Variants in ABCA8 observed in about 807,000 individuals in gnomAD.
ABCA8 encodes ATP binding cassette subfamily A member 8.
ABCA8 carries 177 observed loss-of-function variants against 192.3 expected under a neutral mutation model. That is an observed-to-expected ratio of 0.92 (90% CI 0.81 to 1.04). The LOEUF is 1.04. ABCA8 is among the 50% of genes least tolerant of loss of function. The pLI, the probability that ABCA8 is intolerant of heterozygous loss-of-function variation, is 0.00. For missense variants in ABCA8, 1,915 were observed against 1,904.8 expected (o/e 1.01, Z -0.10); for synonymous variants, 642 against 690.2 (o/e 0.93, Z 1.09).
rs574473301 is a variant in ABCA8 at position 68,945,742 on chromosome 17, T to C, written c.-6+3570A>G. Among the ~76,000 whole-genome samples, 16 of 152,300 alleles carry C rather than the reference T, an allele frequency of 1.1e-4. 1 individual carries two copies. Among genetic ancestry groups the C allele is most frequent in the African/African-American group, 3.8e-4 (16 of 41,574 alleles). On this transcript the variant is annotated intron_variant, in intron 2 of 39. Coordinates refer to ENST00000586539, the MANE Select transcript of ABCA8 (RefSeq NM_001288985.2). ...TACTTTCTGGTTCCTTCTTTCCGTA[T>C]TCATTTGTTATTCCTTCTCTCTCGA...
intron 14 of ABCA8, 147 bp downstream of exon 14, chr17:68,919,154 G>A: frequency 1.4e-6 from 1 of 690,910 alleles, no homozygotes; most frequent in Non-Finnish European, 2.3e-6. Context: ...TAAATTATAT[G>A]CAATGTTAGC....
chr17:68,935,820 A>C (rs1471234601), intron 5 of ABCA8, among the ~76,000 whole-genome samples: 1 of 152,008 alleles, frequency 6.6e-6, no homozygotes, highest in Non-Finnish European at 1.5e-5. Context: ...ACGATGTATA[A>C]GTGTTATCTT....
At chr17:68,941,824 G>A (rs2143767864) in intron 3 of ABCA8, 115 bp downstream of exon 3, 2 of 653,050 alleles carry the variant, frequency 3.1e-6, no homozygotes, top group East Asian at 5.5e-5. Context: ...AAACGTTGCT[G>A]TATTTTAGTG....
At chr17:68,887,557 A>G in intron 24 of ABCA8, 51 bp from the exon 25 acceptor site, 2 of 1,481,502 alleles carry the variant, frequency 1.3e-6, no homozygotes, top group South Asian at 1.3e-5. Flanking sequence ...GAATATGTGG[A>G]TTATGCAAGG....
chr17:68,914,407 A>AC (rs759399146), intron 17 of ABCA8, among the ~76,000 whole-genome samples: 33 of 152,226 alleles, frequency 2.2e-4, no homozygotes, highest in Admixed American at 5.2e-4. Flanking sequence ...TAAAAACTAC[A>AC]CCAAAATGCT....
chr17:68,939,190 C>T (rs1351529185), intron 4 of ABCA8, among the ~76,000 whole-genome samples: 1 of 152,126 alleles, frequency 6.6e-6, no homozygotes, highest in South Asian at 2.1e-4. Flanking sequence ...CCTTAGCCCT[C>T]GACCCAGCCT....
chr17:68,934,849 T>G (rs2068010989), intron 5 of ABCA8, among the ~76,000 whole-genome samples: 1 of 152,178 alleles, frequency 6.6e-6, no homozygotes. Flanking sequence ...TTTGCAAATC[T>G]TATGAACATG....
At chr17:68,950,832 C>G (rs1401442490) in intron 1 of ABCA8, among the ~76,000 whole-genome samples, 1 of 152,156 alleles carries the variant, frequency 6.6e-6, no homozygotes, top group Admixed American at 6.6e-5. Context: ...ATCCATCTGT[C>G]TGTGTCCACC....
At chr17:68,879,494 G>A (rs903881511) in intron 32 of ABCA8, 1 of 152,206 alleles carries the variant, frequency 6.6e-6, no homozygotes, top group Non-Finnish European at 1.5e-5. Flanking sequence ...AAAGATGCTG[G>A]CTGCAGCAAG....
At chr17:68,901,996 C>T (rs2066927431) in intron 21 of ABCA8, among the ~76,000 whole-genome samples, 1 of 152,104 alleles carries the variant, frequency 6.6e-6, no homozygotes, top group Non-Finnish European at 1.5e-5. Context: ...TGTACATGAA[C>T]ATCTGTAGCA....
intron 19 of ABCA8, among the ~76,000 whole-genome samples, chr17:68,904,380 G>A (rs982710265): frequency 9.9e-5 from 15 of 151,422 alleles, no homozygotes; most frequent in African/African-American, 3.2e-4. Context: ...GCAAGAGACT[G>A]TCAACCTGTC....
intron 37 of ABCA8, among the ~76,000 whole-genome samples, chr17:68,873,460 CAT>C (rs1332420927): frequency 1.3e-5 from 2 of 152,180 alleles, no homozygotes; most frequent in African/African-American, 4.8e-5. Flanking sequence ...AACCCTTTGT[CAT>C]ATATATAATT....
In ABCA8 at chr17:68,876,688, GA is replaced by G. The variant is rs764470864; in HGVS notation, c.4214del (p.Leu1405ProfsTer7). 9.3e-6 allele frequency: 15 copies of G among 1,614,040 alleles called. No individual in the cohort carries two copies. The highest frequency in any genetic ancestry group is 2.2e-5 in the East Asian group (1 of 44,884). On this transcript the variant is annotated frameshift_variant, in exon 34 of 40. Transcript: ENST00000586539. LOFTEE classifies it high-confidence loss of function. ...EVAITRLVDALKLQDQLKSPV... is the reference protein window; with the variant it reads ...EVAITRLVDAXKLQDQLKSPV... Reference sequence around the variant, plus strand: ...GAGACTTCAGCTGGTCCTGCAGCTTGAGCGCATCCACTAACCTGAAGGAAAC... The same window carrying G: ...GAGACTTCAGCTGGTCCTGCAGCTTGGCGCATCCACTAACCTGAAGGAAAC...
chr17:68,952,300 G>C (rs2068588129), intron 1 of ABCA8, among the ~76,000 whole-genome samples: 1 of 151,888 alleles, frequency 6.6e-6, no homozygotes, highest in Admixed American at 6.6e-5. Flanking sequence ...CTCACTGCAA[G>C]CTCCGCCTCC....
chr17:68,884,886 A>G (rs2066421307), intron 27 of ABCA8: 5 of 977,126 alleles, frequency 5.1e-6, no homozygotes, highest in African/African-American at 1.7e-5. Context: ...GATTAGGGAC[A>G]TTTCATTTGC....
intron 31 of ABCA8, 136 bp downstream of exon 31, chr17:68,881,727 C>A (rs2066340616): frequency 2.9e-6 from 2 of 685,150 alleles, no homozygotes; most frequent in East Asian, 2.5e-5. Context: ...ATGAAACATA[C>A]AAAGGAAGCT....
rs564763379 is a variant in ABCA8, at chr17:68,914,869, A to G, written c.2138+2492T>C. Among the ~76,000 whole-genome samples the G allele has an allele frequency of 4.2e-5, 6 of 141,346 alleles. No homozygotes were observed. The South Asian group carries it at 9.3e-4, about 22-fold the overall frequency. 92.7% of individuals were successfully genotyped at this position (141,346 alleles called of 152,430 possible). On this transcript the variant is annotated intron_variant, in intron 17 of 39. Transcript: ENST00000586539. Reference sequence around the variant, plus strand: ...TAGCAAAAAGAACAAAACTGAAGGAATCACATCATCGGACTTCAAATTATA... The same window carrying G: ...TAGCAAAAAGAACAAAACTGAAGGAGTCACATCATCGGACTTCAAATTATA...
chr17:68,882,826 A>C, intron 29 of ABCA8, 107 bp from the exon 30 acceptor site: 1 of 1,001,762 alleles, frequency 1.0e-6, no homozygotes, highest in Non-Finnish European at 1.4e-6. Flanking sequence ...TTAACAAACC[A>C]TCATAATCTC....
intron 17 of ABCA8, among the ~76,000 whole-genome samples, chr17:68,912,328 G>A (rs1382443945): frequency 6.6e-6 from 1 of 152,016 alleles, no homozygotes; most frequent in African/African-American, 2.4e-5. Context: ...ACATACTGAA[G>A]AATGTATCAA....
Sources: gnomAD v4.1 joint callset for allele counts (sites outside exome capture counted in the v4.1 genomes callset) on GRCh38, gnomAD v4.1.1 for gene constraint, MANE v1.5 for transcripts, NCBI Gene and HGNC (gene_info 2026-07-23, HGNC 2026-07-21) for gene names.